The following MRLN variants were observed in gnomAD, a reference collection of about 807,000 sequenced individuals.
MRLN encodes myoregulin, also known as Linc-RNA activator of myogenesis.
In MRLN at chr10:59,745,123, T is replaced by A. The variant is rs991098745; in HGVS notation, c.-124-6561A>T. ...TGATCAATAAATACTAAAAAAAAAA[T>A]AAAATAAAATAAAAAAAAGAAAATG... On this transcript the variant is annotated intron_variant, in intron 1 of 2. Coordinates refer to ENST00000414264, the MANE Select transcript of MRLN (RefSeq NM_001304731.2). 8.8e-5 allele frequency among the ~76,000 whole-genome samples: 13 copies of A among 148,532 alleles called. No individual in the cohort carries two copies. In the East Asian group the frequency reaches 1.2e-3, roughly 13 times the overall value.
At chr10:59,750,057 T>G (rs1283458500) in intron 1 of MRLN, among the ~76,000 whole-genome samples, 1 of 128,192 alleles carries the variant, frequency 7.8e-6, no homozygotes, top group Non-Finnish European at 1.6e-5. Context: ...TCTCTCTCTC[T>G]CTCTCTTTTT....
At chr10:59,747,628 C>A (rs1342058660) in intron 1 of MRLN, among the ~76,000 whole-genome samples, 1 of 152,206 alleles carries the variant, frequency 6.6e-6, no homozygotes, top group Non-Finnish European at 1.5e-5. Context: ...CCTCTGTTAT[C>A]CAATCTGACT....
chr10:59,743,692 G>T (rs1447955814), intron 1 of MRLN, among the ~76,000 whole-genome samples: 1 of 151,842 alleles, frequency 6.6e-6, no homozygotes, highest in African/African-American at 2.4e-5. Context: ...CTCCCTCTTT[G>T]CATGGTCTCC....
At chr10:59,746,573 C>A (rs189699616) in intron 1 of MRLN, among the ~76,000 whole-genome samples, 90 of 152,276 alleles carry the variant, frequency 5.9e-4, no homozygotes, top group Admixed American at 1.6e-3. Context: ...TTATTAATGG[C>A]CATGCTCCTT....
intron 1 of MRLN, among the ~76,000 whole-genome samples, chr10:59,741,030 T>C (rs971450290): frequency 1.3e-5 from 2 of 152,204 alleles, no homozygotes; most frequent in African/African-American, 4.8e-5. Context: ...GCTCCTCCCC[T>C]GAGGTGATCC....
intron 1 of MRLN, among the ~76,000 whole-genome samples, chr10:59,749,481 G>A (rs988643539): frequency 6.6e-6 from 1 of 152,130 alleles, no homozygotes; most frequent in African/African-American, 2.4e-5. Context: ...ATCACCTGAG[G>A]TCAGGAGTTG....
intron 1 of MRLN, among the ~76,000 whole-genome samples, chr10:59,740,919 TC>T (rs1302895784): frequency 6.6e-6 from 1 of 152,038 alleles, no homozygotes; most frequent in East Asian, 1.9e-4. Flanking sequence ...TGCCTCAGCC[TC>T]CCGAGTAGCT....
chr10:59,750,838 C>G (rs768179006), intron 1 of MRLN, among the ~76,000 whole-genome samples: 1 of 152,124 alleles, frequency 6.6e-6, no homozygotes, highest in Non-Finnish European at 1.5e-5. Flanking sequence ...TTGAGTGGTG[C>G]GAGGATGCAG....
intron 1 of MRLN, among the ~76,000 whole-genome samples, chr10:59,746,988 T>TGG (rs1398163183): frequency 2.0e-5 from 3 of 152,128 alleles, no homozygotes; most frequent in Non-Finnish European, 4.4e-5. Context: ...TTAGTAGAGA[T>TGG]GGGGTTTCTC....
intron 1 of MRLN, chr10:59,744,882 T>G: frequency 5.2e-6 from 1 of 190,572 alleles, no homozygotes; most frequent in Non-Finnish European, 1.0e-5. Flanking sequence ...GTGCAAGATG[T>G]GCTTTGTTAC....
chr10:59,744,529 G>C (rs1029179812), intron 1 of MRLN, among the ~76,000 whole-genome samples: 3 of 148,556 alleles, frequency 2.0e-5, no homozygotes, highest in Admixed American at 6.7e-5. Context: ...TCTGGGAGGT[G>C]GGGGAGCGCG....
At position 59,751,091 on chromosome 10, in the gene MRLN, G is replaced by A. The variant is rs146373835; in HGVS notation, c.-125+2263C>T. On this transcript the variant is annotated intron_variant, in intron 1 of 2. Transcript: ENST00000414264. ...ACTCCTTGGTATAAATTCACTGGTG[G>A]CAATGTCTTTATGTTTTTAGGTGCA... 1.7e-4 allele frequency among the ~76,000 whole-genome samples: 26 copies of A among 152,260 alleles called. No homozygotes were observed. The East Asian group carries it at 4.6e-3, about 27-fold the overall frequency.
intron 2 of MRLN, 21 bp downstream of exon 2, chr10:59,738,438 G>A (rs1341909932): frequency 6.6e-6 from 1 of 152,218 alleles, no homozygotes; most frequent in Non-Finnish European, 1.5e-5. Flanking sequence ...AATGAGGAGT[G>A]AGTAGAGACC....
In MRLN at chr10:59,743,736, T is replaced by C. The variant is rs569656056; in HGVS notation, c.-124-5174A>G. On this transcript the variant is annotated intron_variant, in intron 1 of 2. Coordinates refer to ENST00000414264, the MANE Select transcript of MRLN (RefSeq NM_001304731.2). ...CCCAGCCGAGGCTGGACTGTACTGC[T>C]GCCATCTCGACTCACTGCAACCTCC... Among the ~76,000 whole-genome samples, 624 of 152,266 alleles carry C rather than the reference T, an allele frequency of 4.1e-3. 6 individuals are homozygous for C. The highest frequency in any genetic ancestry group is 0.014 in the African/African-American group (568 of 41,552).
intron 1 of MRLN, chr10:59,744,962 C>G (rs1841027722): frequency 5.5e-6 from 1 of 182,010 alleles, no homozygotes; most frequent in Non-Finnish European, 1.1e-5. Flanking sequence ...CCCAGGGACA[C>G]AAACACGGCC....
At chr10:59,747,983 C>T (rs988020470) in intron 1 of MRLN, among the ~76,000 whole-genome samples, 1 of 152,138 alleles carries the variant, frequency 6.6e-6, no homozygotes, top group Admixed American at 6.5e-5. Context: ...AACTTGTCTC[C>T]CTATGGAGAA....
rs1871089 is a variant in MRLN, at chr10:59,750,529, T to C, written c.-125+2825A>G. 3.2e-4 allele frequency among the ~76,000 whole-genome samples: 49 copies of C among 152,358 alleles called. 1 individual carries two copies. Among genetic ancestry groups the C allele is most frequent in the African/African-American group, 1.2e-3 (48 of 41,572 alleles). On this transcript the variant is annotated intron_variant, in intron 1 of 2. Transcript: ENST00000414264. ...CTTCTTAATCCTCCACTATCAGGAC[T>C]CTTGAAGGTTAAAGTTTCTAGCTGC...
At chr10:59,750,794 C>A (rs990036346) in intron 1 of MRLN, among the ~76,000 whole-genome samples, 1 of 152,244 alleles carries the variant, frequency 6.6e-6, no homozygotes, top group African/African-American at 2.4e-5. Flanking sequence ...CCTCAGAGAG[C>A]CCCAACGCAG....
In MRLN at chr10:59,736,808, C is replaced by T. The variant is rs1219323738; in HGVS notation, c.*252G>A. The T allele has an allele frequency of 5.4e-6, 1 of 184,556 alleles. No individual in the cohort carries two copies. Among genetic ancestry groups the T allele is most frequent in the Non-Finnish European group, 1.1e-5 (1 of 89,634 alleles). The allele number at this position is 184,556 out of a possible 1,614,324, so 11.4% of individuals were successfully genotyped here. ...TACAGGTGTGAGCCACCACACCTGG[C>T]TAAAAATCTAGAAGTTTCATGACTC... On this transcript the variant is annotated 3_prime_UTR_variant, in exon 3 of 3. Transcript: ENST00000414264.
Sources: allele counts gnomAD v4.1 joint callset (sites outside exome capture counted in the v4.1 genomes callset), GRCh38; gene constraint gnomAD v4.1.1; transcripts MANE v1.5; gene names NCBI Gene and HGNC (gene_info 2026-07-23, HGNC 2026-07-21).